Variants in KCTD8 observed in about 807,000 individuals in gnomAD.
KCTD8 encodes potassium channel tetramerization domain containing 8, also known as BTB/POZ domain-containing protein KCTD8.
In KCTD8, 27 loss-of-function variants were observed where a neutral mutation model predicts 31.5. That is an observed-to-expected ratio of 0.86 (90% CI 0.63 to 1.18). The LOEUF (loss-of-function observed/expected upper bound fraction) is 1.18. KCTD8 is among the 50% of genes most tolerant of loss of function. The pLI is 0.00. For synonymous variants in KCTD8, 290 were observed against 280.0 expected, an observed-to-expected ratio of 1.04 and a Z score of -0.36; for missense variants, 658 against 647.7, an observed-to-expected ratio of 1.02 and a Z score of -0.17.
chr4:44,227,904 T>C lies in KCTD8; in HGVS notation c.962-52654A>G, dbSNP rs79551151. On this transcript the variant is annotated intron_variant, in intron 1 of 1. Transcript: ENST00000360029. ...GTCCTATTTATTCTAATATATTTCA[T>C]ACTCCTGTCATTCTTGTCTATCTAA... 8.6e-3 allele frequency among the ~76,000 whole-genome samples: 1,313 copies of C among 152,306 alleles called. 17 individuals are homozygous for C. Among genetic ancestry groups the C allele is most frequent in the African/African-American group, 0.03 (1,249 of 41,560 alleles).
rs183850178 is a variant in KCTD8 at position 44,308,335 on chromosome 4, C to T, written c.962-133085G>A. On this transcript the variant is annotated intron_variant, in intron 1 of 1. Transcript: ENST00000360029. ...ATAGTAAAGATTAAATTACAATGAACTCTTTTTTTTTCCCTTTAAAAAAGT... is the reference window on the plus strand; with the variant it reads ...ATAGTAAAGATTAAATTACAATGAATTCTTTTTTTTTCCCTTTAAAAAAGT... Among the ~76,000 whole-genome samples, 227 of 152,086 alleles carry T rather than the reference C, an allele frequency of 1.5e-3. 1 individual carries two copies. Among genetic ancestry groups the T allele is most frequent in the African/African-American group, 4.9e-3 (202 of 41,534 alleles).
At chr4:44,372,139 A>AGT (rs1719804179) in intron 1 of KCTD8, among the ~76,000 whole-genome samples, 1 of 152,230 alleles carries the variant, frequency 6.6e-6, no homozygotes, top group Non-Finnish European at 1.5e-5. Context: ...TAATAAGCAC[A>AGT]GTGTGTCACT....
At chr4:44,320,170 CAAAAAAAAAAAAA>C (rs35250421) in intron 1 of KCTD8, among the ~76,000 whole-genome samples, 12 of 31,922 alleles carry the variant, frequency 3.8e-4, no homozygotes, top group South Asian at 2.0e-3. Context: ...GCCTCCATCT[CAAAAAAAAAAAAA>C]AAAAAAAAAA....
At chr4:44,292,123 G>C (rs1426402401) in intron 1 of KCTD8, among the ~76,000 whole-genome samples, 1 of 151,906 alleles carries the variant, frequency 6.6e-6, no homozygotes, top group Non-Finnish European at 1.5e-5. Context: ...CCATTACTAG[G>C]TACATACCCA....
chr4:44,233,731 C>T (rs956061907), intron 1 of KCTD8, among the ~76,000 whole-genome samples: 6 of 152,062 alleles, frequency 3.9e-5, no homozygotes, highest in Admixed American at 1.3e-4. Flanking sequence ...CACAAGAATT[C>T]TATTATTCTC....
At chr4:44,358,815 C>T (rs35790765) in intron 1 of KCTD8, among the ~76,000 whole-genome samples, 46,740 of 151,914 alleles carry the variant, frequency 0.31, 7,920 homozygotes, top group Non-Finnish European at 0.39. Context: ...ATGATCCACC[C>T]GCCTCGGCCT....
chr4:44,430,023 TG>T (rs1472925905), intron 1 of KCTD8, among the ~76,000 whole-genome samples: 3 of 147,464 alleles, frequency 2.0e-5, no homozygotes, highest in Non-Finnish European at 4.4e-5. Flanking sequence ...GTGATGTAAC[TG>T]GGGGGTTTAA....
chr4:44,266,286 C>A (rs1250434937), intron 1 of KCTD8, among the ~76,000 whole-genome samples: 1 of 151,422 alleles, frequency 6.6e-6, no homozygotes, highest in Non-Finnish European at 1.5e-5. Context: ...TCATATCCAG[C>A]CAAACTAAGC....
At chr4:44,288,948 CAAT>C (rs1199651529) in intron 1 of KCTD8, among the ~76,000 whole-genome samples, 1 of 151,174 alleles carries the variant, frequency 6.6e-6, no homozygotes, top group Non-Finnish European at 1.5e-5. Flanking sequence ...TCTATAAAAA[CAAT>C]AAAGGATTCA....
intron 1 of KCTD8, among the ~76,000 whole-genome samples, chr4:44,217,779 G>A (rs1265488266): frequency 6.6e-6 from 1 of 151,326 alleles, no homozygotes; most frequent in African/African-American, 2.4e-5. Flanking sequence ...GGGACTCCAG[G>A]TTCTTTGGCT....
chr4:44,433,336 TAA>T (rs1721560020), intron 1 of KCTD8, among the ~76,000 whole-genome samples: 2 of 151,684 alleles, frequency 1.3e-5, no homozygotes, highest in Non-Finnish European at 3.0e-5. Flanking sequence ...GAATTGGAGA[TAA>T]GAGTATAAAC....
At chr4:44,352,984 C>T (rs573417571) in intron 1 of KCTD8, among the ~76,000 whole-genome samples, 24 of 151,978 alleles carry the variant, frequency 1.6e-4, no homozygotes, top group Admixed American at 9.8e-4. Flanking sequence ...AAGGTGCATA[C>T]GATAAAAATT....
At chr4:44,429,651 T>C (rs1218026382) in intron 1 of KCTD8, among the ~76,000 whole-genome samples, 1 of 151,878 alleles carries the variant, frequency 6.6e-6, no homozygotes, top group Non-Finnish European at 1.5e-5. Flanking sequence ...GCCATGTCAT[T>C]ATTGTTTTTA....
chr4:44,203,624 C>T (rs917083916), intron 1 of KCTD8, among the ~76,000 whole-genome samples: 3 of 149,456 alleles, frequency 2.0e-5, no homozygotes, highest in Admixed American at 2.0e-4. Context: ...GAAAGAAAGG[C>T]AGAAAATAAG....
At chr4:44,393,671 G>A (rs1720425563) in intron 1 of KCTD8, among the ~76,000 whole-genome samples, 1 of 151,704 alleles carries the variant, frequency 6.6e-6, no homozygotes, top group Non-Finnish European at 1.5e-5. Context: ...GTAGTTATCA[G>A]AATATTTAAG....
At chr4:44,221,841 G>A (rs570982558) in intron 1 of KCTD8, among the ~76,000 whole-genome samples, 2 of 152,022 alleles carry the variant, frequency 1.3e-5, no homozygotes, top group Admixed American at 1.3e-4. Context: ...CCAATTCACT[G>A]ACTCAAATGT....
chr4:44,312,184 G>C (rs1414794069), intron 1 of KCTD8, among the ~76,000 whole-genome samples: 1 of 152,040 alleles, frequency 6.6e-6, no homozygotes, highest in Non-Finnish European at 1.5e-5. Flanking sequence ...AGAGCTCTTT[G>C]GGAGCTCCTT....
At chr4:44,256,729 G>C (rs865779515) in intron 1 of KCTD8, among the ~76,000 whole-genome samples, 32 of 151,908 alleles carry the variant, frequency 2.1e-4, no homozygotes, top group African/African-American at 6.8e-4. Context: ...TGAAAGCAGA[G>C]ATCAGAATGC....
chr4:44,419,393 GT>G (rs1468586678), intron 1 of KCTD8, among the ~76,000 whole-genome samples: 1 of 152,180 alleles, frequency 6.6e-6, no homozygotes, highest in Non-Finnish European at 1.5e-5. Context: ...CATGGCAGGG[GT>G]TTTTCCCTTC....
Sources: allele counts gnomAD v4.1 joint callset (sites outside exome capture counted in the v4.1 genomes callset), GRCh38; gene constraint gnomAD v4.1.1; transcripts MANE v1.5; gene names NCBI Gene and HGNC (gene_info 2026-07-23, HGNC 2026-07-21).